The following PI4K2B variants were observed in gnomAD, a reference collection of about 807,000 sequenced individuals.
The protein encoded by PI4K2B is phosphatidylinositol 4-kinase type 2-beta.
Under a neutral mutation model 56.6 loss-of-function variants are expected in PI4K2B, and 46 were observed. The observed-to-expected ratio is 0.81, with a 90% confidence interval of 0.64 to 1.04. The LOEUF (loss-of-function observed/expected upper bound fraction) is 1.04, where lower values mean the gene tolerates loss of function less well. Ranked by LOEUF, PI4K2B falls within the 50% of genes least tolerant of loss-of-function variation. The pLI is 0.00. For synonymous variants in PI4K2B, 211 were observed against 223.8 expected, an observed-to-expected ratio of 0.94 and a Z score of 0.51; for missense variants, 556 against 607.7, an observed-to-expected ratio of 0.91 and a Z score of 0.89.
At chr4:25,253,852 A>G (rs924171053) in intron 2 of PI4K2B, among the ~76,000 whole-genome samples, 7 of 152,028 alleles carry the variant, frequency 4.6e-5, no homozygotes, top group African/African-American at 1.2e-4. Flanking sequence ...GCTCACTGCA[A>G]CCTCCACCTC....
chr4:25,234,695 A>G (rs1715173356), intron 1 of PI4K2B, among the ~76,000 whole-genome samples: 1 of 152,254 alleles, frequency 6.6e-6, no homozygotes, highest in Non-Finnish European at 1.5e-5. Flanking sequence ...AAGTGAGTCA[A>G]AACTTCTAGA....
intron 1 of PI4K2B, among the ~76,000 whole-genome samples, chr4:25,240,676 C>T (rs1276851160): frequency 6.6e-6 from 1 of 152,160 alleles, no homozygotes; most frequent in Admixed American, 6.6e-5. Flanking sequence ...GCTGGGTAGA[C>T]AGAAATTTAC....
Position 25,255,220 on chromosome 4 carries a change from T to G in PI4K2B, c.579T>G (p.Tyr193Ter), listed in dbSNP as rs758860209. The G allele has an allele frequency of 2.5e-6, 4 of 1,614,186 alleles. No homozygotes were observed. Among genetic ancestry groups the G allele is most frequent in the Non-Finnish European group, 3.4e-6 (4 of 1,180,024 alleles). Residue 193 changes from tyrosine to a stop codon, truncating the protein, a stop_gained, in exon 3 of 10, where the codon TAT (tyrosine) becomes TAG (stop). Transcript: ENST00000264864. LOFTEE classifies it high-confidence loss of function. Reference protein sequence around the residue: ...NQGYLSEAGAYLVDNKLHLSI... With the variant: ...NQGYLSEAGA ...GGTACCTTTCCGAAGCGGGTGCCTA[T>G]CTTGTGGACAACAAGCTTCATCTGA...
rs780884990 is a variant in PI4K2B at position 25,255,313 on chromosome 4, C to T, written c.624+48C>T. 46 of 1,433,384 alleles carry T rather than the reference C, an allele frequency of 3.2e-5. No homozygotes were observed. The South Asian group carries it at 4.9e-4, about 15-fold the overall frequency. 88.8% of individuals were successfully genotyped at this position (1,433,384 alleles called of 1,614,324 possible). A position where few individuals can be genotyped will look rare whatever the true frequency, so the allele number is the denominator to read the frequency against. On this transcript the variant is annotated intron_variant, in intron 3 of 9. Transcript: ENST00000264864. ...CCATGGACTTTTAATTTACAACCTG[C>T]TTATATCTGAATATTTCAGTAATTA...
intron 6 of PI4K2B, 41 bp downstream of exon 6, chr4:25,260,632 AT>A: frequency 3.5e-5 from 2 of 57,450 alleles, no homozygotes; most frequent in Non-Finnish European, 4.3e-5. Context: ...ATATATATAT[AT>A]ATATATATAC....
At chr4:25,276,969 C>T (rs746312651) in intron 9 of PI4K2B, 45 bp from the exon 10 acceptor site, 1 of 1,461,826 alleles carries the variant, frequency 6.8e-7, no homozygotes, top group Admixed American at 2.2e-5. Flanking sequence ...TGAAGTGAAG[C>T]TTTTTATCTT....
intron 4 of PI4K2B, 77 bp downstream of exon 4, chr4:25,256,751 C>A: frequency 7.5e-7 from 1 of 1,331,044 alleles, no homozygotes; most frequent in Non-Finnish European, 1.1e-6. Flanking sequence ...AGGCATTGTG[C>A]TATTAGCTGT....
rs1274880101 is a variant in PI4K2B, at chr4:25,278,699, A to G, written c.*1512A>G. On this transcript the variant is annotated 3_prime_UTR_variant, in exon 10 of 10. Transcript: ENST00000264864. ...AAAACTCAAACTACTATCTTTAGAT[A>G]TAAACACTAGTAATTAAAATGTGCC... 13 of 152,796 alleles carry G rather than the reference A, an allele frequency of 8.5e-5. No homozygotes were observed. The East Asian group carries it at 2.1e-3, about 25-fold the overall frequency. The allele number at this position is 152,796 out of a possible 1,614,324, so 9.5% of individuals were successfully genotyped here.
intron 1 of PI4K2B, 33 bp from the exon 2 acceptor site, chr4:25,252,288 C>CGA: frequency 6.5e-7 from 1 of 1,548,594 alleles, no homozygotes. Flanking sequence ...ATATCATGAG[C>CGA]ATTCTCATAG....
At position 25,234,159 on chromosome 4, in the gene PI4K2B, A is replaced by T. The variant is rs763130388; in HGVS notation, c.-5A>T. 3 of 1,355,388 alleles carry T rather than the reference A, an allele frequency of 2.2e-6. No homozygotes were observed. Among genetic ancestry groups the T allele is most frequent in the Non-Finnish European group, 2.9e-6 (3 of 1,051,236 alleles). The allele number at this position is 1,355,388 out of a possible 1,614,324, so 84.0% of individuals were successfully genotyped here. The stretch of plus-strand genomic sequence containing the variant: ...GTCTCAGCGCGGAGGGAGCAGAGGG[A>T]GTCCATGGAGGATCCCTCCGAGCCC... On this transcript the variant is annotated 5_prime_UTR_variant, in exon 1 of 10. Coordinates refer to ENST00000264864, the MANE Select transcript of PI4K2B (RefSeq NM_018323.4).
rs946010318 is a variant in PI4K2B at position 25,234,532 on chromosome 4, G to A, written c.268+101G>A. On this transcript the variant is annotated intron_variant, in intron 1 of 9. Transcript: ENST00000264864. ...CGCGCGCGCTGGCCGAGGTGGACGG[G>A]CTTTCCCCGCTCGCTGGGCAGCAGC... The A allele has an allele frequency of 3.0e-5, 25 of 827,150 alleles. 1 individual carries two copies. Among genetic ancestry groups the A allele is most frequent in the Middle Eastern group, 4.1e-4 (1 of 2,440 alleles). 51.2% of individuals were successfully genotyped at this position (827,150 alleles called of 1,614,324 possible). A position where few individuals can be genotyped will look rare whatever the true frequency, so the allele number is the denominator to read the frequency against.
Position 25,246,698 on chromosome 4 carries a change from G to C in PI4K2B, c.269-5623G>C, listed in dbSNP as rs568170591. Among the ~76,000 whole-genome samples the C allele has an allele frequency of 2.6e-5, 4 of 152,350 alleles. No homozygotes were observed. The East Asian group carries it at 7.7e-4, about 29-fold the overall frequency. On this transcript the variant is annotated intron_variant, in intron 1 of 9. Transcript: ENST00000264864. ...GGGTGGTGCTTGTTGGGGAGGCTCG[G>C]GCTGCACAGGAGCCCACGGCGGCGG...
At chr4:25,250,035 C>T (rs1295636269) in intron 1 of PI4K2B, among the ~76,000 whole-genome samples, 5 of 152,284 alleles carry the variant, frequency 3.3e-5, no homozygotes, top group South Asian at 2.1e-4. Context: ...CCGGCCAACA[C>T]GGCGAAACCC....
chr4:25,254,509 G>T (rs1337133572), intron 2 of PI4K2B: 3 of 157,196 alleles, frequency 1.9e-5, no homozygotes, highest in Non-Finnish European at 2.7e-5. Context: ...TGCCTCCTGG[G>T]TTCATGCCAT....
chr4:25,253,187 C>T (rs1198519899), intron 2 of PI4K2B, among the ~76,000 whole-genome samples: 1 of 152,056 alleles, frequency 6.6e-6, no homozygotes, highest in Non-Finnish European at 1.5e-5. Flanking sequence ...TATGTGAATA[C>T]CTTTTCTGGC....
chr4:25,277,348 C>A lies in PI4K2B; in HGVS notation c.*161C>A. 1.3e-6 allele frequency: 1 copy of A among 789,730 alleles called. No homozygotes were observed. The highest frequency in any genetic ancestry group is 1.8e-6 in the Non-Finnish European group (1 of 556,690). 48.9% of individuals were successfully genotyped at this position (789,730 alleles called of 1,614,324 possible). On this transcript the variant is annotated 3_prime_UTR_variant, in exon 10 of 10. Coordinates refer to ENST00000264864, the MANE Select transcript of PI4K2B (RefSeq NM_018323.4). ...TAACCAAAAGTTTACAGTTTTTTGTCCAAATATTAAATTTCTATTTCAGGG... is the reference window on the plus strand; with the variant it reads ...TAACCAAAAGTTTACAGTTTTTTGTACAAATATTAAATTTCTATTTCAGGG...
chr4:25,251,492 A>G (rs1297779328), intron 1 of PI4K2B, among the ~76,000 whole-genome samples: 1 of 152,134 alleles, frequency 6.6e-6, no homozygotes, highest in African/African-American at 2.4e-5. Context: ...GCATAATTTA[A>G]GCTGGCCAAG....
intron 1 of PI4K2B, among the ~76,000 whole-genome samples, chr4:25,235,867 A>C (rs1715239960): frequency 1.3e-5 from 2 of 152,292 alleles, no homozygotes; most frequent in East Asian, 3.9e-4. Flanking sequence ...AATCAAAGCG[A>C]GAGGTCAACG....
chr4:25,245,460 A>G (rs1443928816), intron 1 of PI4K2B, among the ~76,000 whole-genome samples: 1 of 152,094 alleles, frequency 6.6e-6, no homozygotes, highest in Non-Finnish European at 1.5e-5. Context: ...AGTTGTTGGT[A>G]CCTGCGGAGC....
Sources: allele counts gnomAD v4.1 joint callset (sites outside exome capture counted in the v4.1 genomes callset), GRCh38; gene constraint gnomAD v4.1.1; transcripts MANE v1.5; gene names NCBI Gene and HGNC (gene_info 2026-07-23, HGNC 2026-07-21).